The following PLGRKT variants were observed in gnomAD, a reference collection of about 807,000 sequenced individuals.
PLGRKT encodes the protein plasminogen receptor with a C-terminal lysine, also known as plasminogen receptor (KT).
A neutral mutation model predicts 18.5 loss-of-function variants in PLGRKT; 22 were observed. The observed-to-expected ratio is 1.19, with a 90% CI of 0.85 to 1.70. The LOEUF is 1.70. Among genes scored for constraint, PLGRKT ranks in the 40% most tolerant of loss-of-function variants. The pLI is 0.00. For missense variants in PLGRKT, 235 were observed against 174.4 expected (o/e 1.35, Z -1.96); for synonymous variants, 72 against 52.8 (o/e 1.36, Z -1.58).
At chr9:5,427,440 G>A (rs898503920) in intron 3 of PLGRKT, among the ~76,000 whole-genome samples, 3 of 152,056 alleles carry the variant, frequency 2.0e-5, no homozygotes, top group African/African-American at 7.2e-5. Flanking sequence ...ATATGCCAAG[G>A]TTATTAAGAT....
intron 3 of PLGRKT, among the ~76,000 whole-genome samples, chr9:5,403,517 G>A (rs555071500): frequency 2.0e-5 from 3 of 152,260 alleles, no homozygotes; most frequent in East Asian, 1.9e-4. Flanking sequence ...GAGCCACCAC[G>A]CCCAGCCATG....
In PLGRKT at chr9:5,385,371, C is replaced by T. The variant is rs146768798; in HGVS notation, c.82-23483G>A. Among the ~76,000 whole-genome samples, 894 of 151,094 alleles carry T rather than the reference C, an allele frequency of 5.9e-3. 15 individuals are homozygous for T. Among genetic ancestry groups the T allele is most frequent in the African/African-American group, 0.02 (810 of 40,662 alleles). On this transcript the variant is annotated intron_variant, in intron 3 of 5. Transcript: ENST00000223864. ...TCCACCACACCTGGCTAATTTTTTG[C>T]ATTTTTAGTAGAGACATGGTTTCAC...
Position 5,436,565 on chromosome 9 carries a change from T to G in PLGRKT, c.-7+4A>C, listed in dbSNP as rs1040846476. On this transcript the variant is annotated splice_donor_region_variant and intron_variant, in intron 2 of 5. Coordinates refer to ENST00000223864, the MANE Select transcript of PLGRKT (RefSeq NM_018465.4). ...CTGTCTGGGAAGTTAGTATTTAGAT[T>G]TACCTCTTTCTGGGCCTTGCTCTCC... is the stretch of plus-strand genomic sequence containing the variant. 1 of 152,272 alleles carries G rather than the reference T, an allele frequency of 6.6e-6. No individual in the cohort carries two copies. Among genetic ancestry groups the G allele is most frequent in the African/African-American group, 2.4e-5 (1 of 41,436 alleles). The allele number at this position is 152,272 out of a possible 1,614,324, so 9.4% of individuals were successfully genotyped here.
rs529027710 is a variant in PLGRKT at position 5,393,361 on chromosome 9, GT to G, written c.82-31474del. 1.9e-3 allele frequency among the ~76,000 whole-genome samples: 285 copies of G among 151,710 alleles called. 10 individuals are homozygous for G. Among genetic ancestry groups the G allele is most frequent in the African/African-American group, 6.2e-3 (257 of 41,180 alleles). ...CTTCTACTTCCTACACCTCTTGGTG[GT>G]TTTTTTCTATGGTTACTGTGAAATA... On this transcript the variant is annotated intron_variant, in intron 3 of 5. Transcript: ENST00000223864.
intron 3 of PLGRKT, among the ~76,000 whole-genome samples, chr9:5,394,068 A>T (rs1219950112): frequency 6.6e-6 from 1 of 151,860 alleles, no homozygotes; most frequent in East Asian, 1.9e-4. Flanking sequence ...TTTATCATTA[A>T]CACCAAGTTT....
At chr9:5,419,566 A>G (rs79129869) in intron 3 of PLGRKT, among the ~76,000 whole-genome samples, 324 of 152,334 alleles carry the variant, frequency 2.1e-3, no homozygotes, top group African/African-American at 7.4e-3. Context: ...TAGAACTGAC[A>G]TTTCGCCAAA....
intron 3 of PLGRKT, among the ~76,000 whole-genome samples, chr9:5,411,699 C>G (rs1818369560): frequency 6.6e-6 from 1 of 152,150 alleles, no homozygotes. Flanking sequence ...GTAAGAAATC[C>G]AACTATAAGA....
chr9:5,420,818 T>C (rs1016510045), intron 3 of PLGRKT, among the ~76,000 whole-genome samples: 1 of 152,184 alleles, frequency 6.6e-6, no homozygotes, highest in South Asian at 2.1e-4. Flanking sequence ...ACCCTTCCTA[T>C]TTCAAGATGT....
intron 3 of PLGRKT, among the ~76,000 whole-genome samples, chr9:5,416,173 G>T (rs2131152221): frequency 6.6e-6 from 1 of 151,994 alleles, no homozygotes; most frequent in African/African-American, 2.4e-5. Flanking sequence ...TGAATGTCAT[G>T]AGTTTATTCA....
intron 3 of PLGRKT, among the ~76,000 whole-genome samples, chr9:5,383,461 G>A (rs1232776914): frequency 1.3e-5 from 2 of 152,094 alleles, no homozygotes; most frequent in African/African-American, 4.8e-5. Context: ...CCAGGTTGAC[G>A]GATGGTTTCA....
At chr9:5,400,443 G>A (rs950878207) in intron 3 of PLGRKT, among the ~76,000 whole-genome samples, 6 of 151,722 alleles carry the variant, frequency 4.0e-5, no homozygotes, top group African/African-American at 1.2e-4. Context: ...TCCTATTACC[G>A]TAATGAAATA....
At chr9:5,377,758 T>C (rs991576916) in intron 3 of PLGRKT, among the ~76,000 whole-genome samples, 1 of 152,122 alleles carries the variant, frequency 6.6e-6, no homozygotes, top group Admixed American at 6.5e-5. Flanking sequence ...TCCATTCCAA[T>C]ACACACAGAG....
chr9:5,363,102 C>T (rs1032874401), intron 3 of PLGRKT, among the ~76,000 whole-genome samples: 1 of 151,850 alleles, frequency 6.6e-6, no homozygotes, highest in Non-Finnish European at 1.5e-5. Context: ...CCAATGAGTC[C>T]AAAACCTAGA....
intron 3 of PLGRKT, among the ~76,000 whole-genome samples, chr9:5,374,686 T>C (rs1374138080): frequency 6.6e-6 from 1 of 152,206 alleles, no homozygotes; most frequent in Non-Finnish European, 1.5e-5. Flanking sequence ...TAAATAATTT[T>C]AGGCAAGTCT....
At chr9:5,387,514 G>C (rs1817866654) in intron 3 of PLGRKT, among the ~76,000 whole-genome samples, 1 of 151,892 alleles carries the variant, frequency 6.6e-6, no homozygotes, top group Non-Finnish European at 1.5e-5. Context: ...GAATTTCACA[G>C]ATGTAATGTT....
chr9:5,404,294 A>G (rs1408118842), intron 3 of PLGRKT, among the ~76,000 whole-genome samples: 2 of 152,204 alleles, frequency 1.3e-5, no homozygotes, highest in Non-Finnish European at 2.9e-5. Context: ...CATCATCCCG[A>G]TACCAAAACC....
At chr9:5,358,835 T>C (rs1438466225) in intron 5 of PLGRKT, among the ~76,000 whole-genome samples, 2 of 152,226 alleles carry the variant, frequency 1.3e-5, no homozygotes, top group East Asian at 3.8e-4. Flanking sequence ...TCAGTCTGTA[T>C]ACATACAAAT....
chr9:5,366,127 T>C (rs978768741), intron 3 of PLGRKT, among the ~76,000 whole-genome samples: 1 of 152,148 alleles, frequency 6.6e-6, no homozygotes, highest in Non-Finnish European at 1.5e-5. Flanking sequence ...TCTGCACACA[T>C]CTTAAAAATC....
At chr9:5,397,623 G>C (rs916141535) in intron 3 of PLGRKT, among the ~76,000 whole-genome samples, 37 of 151,830 alleles carry the variant, frequency 2.4e-4, no homozygotes, top group African/African-American at 9.0e-4. Context: ...AAAAGGGAGG[G>C]AAGAGGGGAG....
Sources: gnomAD v4.1 joint callset for allele counts (sites outside exome capture counted in the v4.1 genomes callset) on GRCh38, gnomAD v4.1.1 for gene constraint, MANE v1.5 for transcripts, NCBI Gene and HGNC (gene_info 2026-07-23, HGNC 2026-07-21) for gene names.